SLC2A13: variants seen among roughly 807,000 people sequenced by gnomAD.
SLC2A13 encodes proton myo-inositol cotransporter.
Under a neutral mutation model 64.4 loss-of-function variants are expected in SLC2A13, and 32 were observed. The observed-to-expected ratio is 0.50, with a 90% CI of 0.37 to 0.67. SLC2A13 has a LOEUF of 0.67. SLC2A13 is among the 30% of genes least tolerant of loss of function. SLC2A13 has a pLI of 0.00. For missense variants in SLC2A13, 743 were observed against 829.2 expected (o/e 0.90, Z 1.28); for synonymous variants, 338 against 327.1 (o/e 1.03, Z -0.36).
intron 4 of SLC2A13, among the ~76,000 whole-genome samples, chr12:39,896,564 A>ATATG (rs201344354): frequency 1.8e-5 from 2 of 110,782 alleles, no homozygotes; most frequent in Admixed American, 2.0e-4. Flanking sequence ...ATGTATACAT[A>ATATG]TATGTATGTA....
chr12:40,017,739 GC>G (rs1947642668), intron 3 of SLC2A13, among the ~76,000 whole-genome samples: 1 of 152,284 alleles, frequency 6.6e-6, no homozygotes, highest in Non-Finnish European at 1.5e-5. Flanking sequence ...TGTGACATAT[GC>G]AGAAGTGACT....
At chr12:39,967,423 C>G (rs1453584459) in intron 3 of SLC2A13, among the ~76,000 whole-genome samples, 3 of 152,258 alleles carry the variant, frequency 2.0e-5, no homozygotes, top group Admixed American at 6.5e-5. Flanking sequence ...CAGGGATACC[C>G]TGTCCTCTGA....
At chr12:39,936,811 A>C (rs1945925462) in intron 4 of SLC2A13, among the ~76,000 whole-genome samples, 1 of 152,198 alleles carries the variant, frequency 6.6e-6, no homozygotes, top group South Asian at 2.1e-4. Flanking sequence ...ATAGGGATTC[A>C]GTTTTAGGCA....
At chr12:39,809,878 A>G (rs931022931) in intron 7 of SLC2A13, among the ~76,000 whole-genome samples, 8 of 152,126 alleles carry the variant, frequency 5.3e-5, no homozygotes, top group Non-Finnish European at 1.5e-5. Flanking sequence ...TGGTGTATAT[A>G]TGCCACATTT....
chr12:40,025,551 G>C (rs1013046108), intron 3 of SLC2A13, among the ~76,000 whole-genome samples: 1 of 152,210 alleles, frequency 6.6e-6, no homozygotes, highest in African/African-American at 2.4e-5. Context: ...TTATTAGTAA[G>C]CTCAATGCGA....
intron 7 of SLC2A13, among the ~76,000 whole-genome samples, chr12:39,814,247 T>C (rs936160979): frequency 6.6e-6 from 1 of 152,198 alleles, no homozygotes; most frequent in Non-Finnish European, 1.5e-5. Flanking sequence ...GGAAATGAGC[T>C]ACAGATGTAG....
At chr12:40,033,807 T>C (rs1947938969) in intron 2 of SLC2A13, among the ~76,000 whole-genome samples, 1 of 152,238 alleles carries the variant, frequency 6.6e-6, no homozygotes, top group Non-Finnish European at 1.5e-5. Context: ...GACTGCAAGA[T>C]TTTAAAGGAT....
At chr12:39,794,776 G>A (rs1012079377) in intron 7 of SLC2A13, among the ~76,000 whole-genome samples, 2 of 152,084 alleles carry the variant, frequency 1.3e-5, no homozygotes, top group Non-Finnish European at 2.9e-5. Flanking sequence ...CTCAATTTGC[G>A]AATCATTCTT....
intron 7 of SLC2A13, among the ~76,000 whole-genome samples, chr12:39,783,369 T>A (rs975880717): frequency 1.2e-4 from 18 of 152,192 alleles, no homozygotes; most frequent in Admixed American, 1.2e-3. Context: ...GATTTATAAT[T>A]CTTTGGGTAT....
rs998149667 is a variant in SLC2A13, at chr12:39,832,716, C to G, written c.1320-2488G>C. Among the ~76,000 whole-genome samples the G allele has an allele frequency of 2.7e-4, 4 of 14,826 alleles. No homozygotes were observed. The Admixed American group carries it at 3.7e-3, about 14-fold the overall frequency. The allele number at this position is 14,826 out of a possible 152,430, so 9.7% of individuals were successfully genotyped here. A position where few individuals can be genotyped will look rare whatever the true frequency, so the allele number is the denominator to read the frequency against. ...ACCAGTTAACTGACCCCTCTACTTGCTATTATCAGTTTTCTCCTTTCTTTA... is the reference window on the plus strand; with the variant it reads ...ACCAGTTAACTGACCCCTCTACTTGGTATTATCAGTTTTCTCCTTTCTTTA... On this transcript the variant is annotated intron_variant, in intron 6 of 9. Transcript: ENST00000280871.
chr12:40,040,296 T>C (rs1948062681), intron 2 of SLC2A13, among the ~76,000 whole-genome samples: 1 of 152,254 alleles, frequency 6.6e-6, no homozygotes, highest in African/African-American at 2.4e-5. Context: ...AATTAATTCA[T>C]ACGCTGTGAA....
At chr12:39,995,917 TC>T (rs1947221184) in intron 3 of SLC2A13, among the ~76,000 whole-genome samples, 1 of 152,208 alleles carries the variant, frequency 6.6e-6, no homozygotes, top group Non-Finnish European at 1.5e-5. Flanking sequence ...TTGTGCGGCT[TC>T]CCCAGCTACA....
chr12:39,894,956 C>T (rs1033441454), intron 4 of SLC2A13, among the ~76,000 whole-genome samples: 5 of 152,158 alleles, frequency 3.3e-5, no homozygotes, highest in East Asian at 1.9e-4. Context: ...TAGGAGAACC[C>T]TCATCTGTGC....
chr12:39,885,928 A>T (rs1944454280), intron 4 of SLC2A13, among the ~76,000 whole-genome samples: 1 of 152,128 alleles, frequency 6.6e-6, no homozygotes, highest in Admixed American at 6.6e-5. Flanking sequence ...AGGTTTTGTG[A>T]CCCAGTTTGT....
intron 7 of SLC2A13, among the ~76,000 whole-genome samples, chr12:39,818,814 C>T (rs1942409651): frequency 6.6e-6 from 1 of 152,106 alleles, no homozygotes; most frequent in South Asian, 2.1e-4. Flanking sequence ...AAAGTTTCTA[C>T]ATATAAAATA....
intron 7 of SLC2A13, among the ~76,000 whole-genome samples, chr12:39,790,404 T>C: frequency 7.6e-6 from 1 of 130,812 alleles, no homozygotes; most frequent in Non-Finnish European, 1.5e-5. Context: ...CAGAGTGTGA[T>C]ATTCCCTTCC....
chr12:39,824,299 A>T (rs1942606070), intron 7 of SLC2A13, among the ~76,000 whole-genome samples: 1 of 152,190 alleles, frequency 6.6e-6, no homozygotes, highest in South Asian at 2.1e-4. Context: ...ATCAAAGATG[A>T]GACTTAGATA....
intron 4 of SLC2A13, among the ~76,000 whole-genome samples, chr12:39,926,410 A>G (rs1052523085): frequency 6.6e-6 from 1 of 152,144 alleles, no homozygotes; most frequent in African/African-American, 2.4e-5. Flanking sequence ...AATTTTAAAA[A>G]CTCAGACATA....
At chr12:39,910,153 T>A (rs1342471072) in intron 4 of SLC2A13, among the ~76,000 whole-genome samples, 1 of 152,042 alleles carries the variant, frequency 6.6e-6, no homozygotes, top group Non-Finnish European at 1.5e-5. Flanking sequence ...CACATTTCCA[T>A]CTTGAATAAT....
Sources: allele counts gnomAD v4.1 joint callset (sites outside exome capture counted in the v4.1 genomes callset), GRCh38; gene constraint gnomAD v4.1.1; transcripts MANE v1.5; gene names NCBI Gene and HGNC (gene_info 2026-07-23, HGNC 2026-07-21).